PVT1: variants seen among roughly 807,000 people sequenced by gnomAD.
PVT1 encodes Pvt1 oncogene, also known as CXCR4/PVT1 fusion.
chr8:127,989,934 T>C (rs1817013881), intron 4 of PVT1, among the ~76,000 whole-genome samples: 1 of 152,128 alleles, frequency 6.6e-6, no homozygotes, highest in African/African-American at 2.4e-5. Flanking sequence ...CTCATGAAGA[T>C]GTTGTTTGTG....
At chr8:128,029,661 G>A (rs551954344) in intron 4 of PVT1, among the ~76,000 whole-genome samples, 6 of 152,220 alleles carry the variant, frequency 3.9e-5, no homozygotes, top group East Asian at 1.9e-4. Flanking sequence ...TTAGCTGAGC[G>A]TGGTGGCGCT....
At chr8:127,909,178 G>C (rs1365404537) in intron 3 of PVT1, among the ~76,000 whole-genome samples, 3 of 152,240 alleles carry the variant, frequency 2.0e-5, no homozygotes, top group Non-Finnish European at 4.4e-5. Flanking sequence ...CTGGTTGAAA[G>C]AGACTTTTAA....
At chr8:127,998,380 A>T (rs1817131476) in intron 4 of PVT1, 1 of 152,070 alleles carries the variant, frequency 6.6e-6, no homozygotes, top group Non-Finnish European at 1.5e-5. Context: ...GATAATTTTT[A>T]ATTTATTTGA....
At chr8:127,945,348 A>T (rs1816407642) in intron 3 of PVT1, among the ~76,000 whole-genome samples, 1 of 152,144 alleles carries the variant, frequency 6.6e-6, no homozygotes, top group Non-Finnish European at 1.5e-5. Flanking sequence ...CTGTTTCATA[A>T]GACGCGATCA....
At chr8:127,932,907 T>C (rs1294443142) in intron 3 of PVT1, among the ~76,000 whole-genome samples, 1 of 152,216 alleles carries the variant, frequency 6.6e-6, no homozygotes, top group Non-Finnish European at 1.5e-5. Context: ...CTATTTATCA[T>C]TCTTAAGGAT....
intron 2 of PVT1, among the ~76,000 whole-genome samples, chr8:127,858,196 G>A (rs1041894878): frequency 9.9e-5 from 15 of 152,118 alleles, no homozygotes; most frequent in African/African-American, 3.6e-4. Flanking sequence ...TTTAAGACCA[G>A]CCGGTCCAAC....
intron 2 of PVT1, among the ~76,000 whole-genome samples, chr8:127,876,608 A>G (rs1815408076): frequency 6.6e-6 from 1 of 150,402 alleles, no homozygotes; most frequent in African/African-American, 2.5e-5. Flanking sequence ...TTACCCGTAC[A>G]CTCTTCCCAT....
intron 4 of PVT1, among the ~76,000 whole-genome samples, chr8:128,043,666 T>G (rs936686432): frequency 2.0e-5 from 3 of 152,092 alleles, no homozygotes; most frequent in Non-Finnish European, 4.4e-5. Flanking sequence ...CATCTTAATT[T>G]TTTCAGTCGA....
intron 2 of PVT1, among the ~76,000 whole-genome samples, chr8:127,821,937 GC>G (rs747333720): frequency 4.6e-5 from 7 of 152,210 alleles, no homozygotes; most frequent in Non-Finnish European, 8.8e-5. Context: ...AATCTGCACG[GC>G]CATATGTGGC....
chr8:127,942,012 G>A lies in PVT1; in HGVS notation n.783-47150G>A, dbSNP rs540116600. On this transcript the variant is annotated intron_variant and non_coding_transcript_variant, in intron 3 of 10. Transcript: ENST00000651587. ...TGTGGGCCCATTTTTGTCAGGAAAC[G>A]ACTCCCTTCCCAAGGGCACCCTGAG... Among the ~76,000 whole-genome samples, 134 of 152,280 alleles carry A rather than the reference G, an allele frequency of 8.8e-4. 1 individual carries two copies. Among genetic ancestry groups the A allele is most frequent in the Admixed American group, 1.4e-3 (21 of 15,302 alleles).
chr8:128,018,974 C>T (rs983631916), intron 4 of PVT1, among the ~76,000 whole-genome samples: 4 of 152,226 alleles, frequency 2.6e-5, no homozygotes, highest in Non-Finnish European at 5.9e-5. Context: ...AAGGAAGGCT[C>T]TTCCCTGGGG....
chr8:128,051,499 T>C (rs565043376), intron 4 of PVT1, among the ~76,000 whole-genome samples: 1 of 152,368 alleles, frequency 6.6e-6, no homozygotes, highest in South Asian at 2.1e-4. Flanking sequence ...TTTGGAGAGT[T>C]CTATGTATTT....
At chr8:128,068,732 T>C (rs1813944423) in intron 4 of PVT1, among the ~76,000 whole-genome samples, 1 of 152,200 alleles carries the variant, frequency 6.6e-6, no homozygotes, top group Non-Finnish European at 1.5e-5. Flanking sequence ...GACCTCGTGA[T>C]CCACCTGTCT....
chr8:128,053,433 T>C (rs1171127311), intron 4 of PVT1, among the ~76,000 whole-genome samples: 1 of 149,322 alleles, frequency 6.7e-6, no homozygotes, highest in East Asian at 1.9e-4. Flanking sequence ...TACCTATATA[T>C]GTGTATTTTA....
intron 3 of PVT1, chr8:127,947,316 G>T (rs1216781258): frequency 7.1e-5 from 16 of 226,398 alleles, no homozygotes; most frequent in Non-Finnish European, 8.9e-6. Flanking sequence ...GGACAGGGAT[G>T]GTAAATGGAG....
intron 4 of PVT1, among the ~76,000 whole-genome samples, chr8:128,025,622 G>C (rs543482601): frequency 2.0e-5 from 3 of 152,174 alleles, no homozygotes; most frequent in Non-Finnish European, 2.9e-5. Context: ...ATTTAAATTC[G>C]TGCAGAATCT....
chr8:128,068,799 G>A (rs1376823099), intron 4 of PVT1, among the ~76,000 whole-genome samples: 1 of 152,178 alleles, frequency 6.6e-6, no homozygotes, highest in Non-Finnish European at 1.5e-5. Context: ...GCCAGTTTTG[G>A]GGTTTATTTT....
At position 127,872,308 on chromosome 8, in the gene PVT1, G is replaced by A. The variant is rs538693927; in HGVS notation, n.373-18281G>A. 9.9e-5 allele frequency among the ~76,000 whole-genome samples: 15 copies of A among 152,152 alleles called. No individual in the cohort carries two copies. The South Asian group carries it at 2.1e-3, about 21-fold the overall frequency. ...GGTGCCTGTGACCCAAGCTACTCTG[G>A]AGGCTGAGGTGGGAGAATCGCTTGA... On this transcript the variant is annotated intron_variant and non_coding_transcript_variant, in intron 2 of 10. Coordinates refer to ENST00000651587, the Ensembl canonical transcript of PVT1.
chr8:127,880,242 C>T (rs946737958), intron 2 of PVT1, among the ~76,000 whole-genome samples: 3 of 152,158 alleles, frequency 2.0e-5, no homozygotes, highest in Non-Finnish European at 4.4e-5. Context: ...GGAGCTAGCA[C>T]GTGAACACTG....
Sources: gnomAD v4.1 joint callset for allele counts (sites outside exome capture counted in the v4.1 genomes callset) on GRCh38, gnomAD v4.1.1 for gene constraint, MANE v1.5 for transcripts, NCBI Gene and HGNC (gene_info 2026-07-23, HGNC 2026-07-21) for gene names.